PPP3R1: variants seen among roughly 807,000 people sequenced by gnomAD.
PPP3R1 encodes the protein protein phosphatase 3 regulatory subunit B, alpha, also known as calcineurin subunit B type 1.
In PPP3R1, 5 loss-of-function variants were observed where a neutral mutation model predicts 22.6. That is an observed-to-expected ratio of 0.22 (90% CI 0.12 to 0.46). The LOEUF (loss-of-function observed/expected upper bound fraction) is 0.46, where lower values mean the gene tolerates loss of function less well. Ranked by LOEUF, PPP3R1 falls within the 20% of genes least tolerant of loss-of-function variation. The probability of loss-of-function intolerance (pLI) is 0.99; values close to 1 mark genes in which losing one functional copy is unlikely to be tolerated. For synonymous variants in PPP3R1, 56 were observed against 65.2 expected (o/e 0.86, Z 0.68); for missense variants, 61 against 203.2 (o/e 0.30, Z 4.25).
intron 2 of PPP3R1, among the ~76,000 whole-genome samples, chr2:68,203,319 G>C (rs1400781345): frequency 6.6e-6 from 1 of 152,092 alleles, no homozygotes; most frequent in East Asian, 1.9e-4. Flanking sequence ...TGGCATTTTA[G>C]GGCCAGGCAC....
Position 68,188,575 on chromosome 2 carries a change from A to G in PPP3R1, c.159T>C (p.Pro53=). The change falls in exon 3 of 6, where the codon CCT becomes CCC. Residue 53 remains proline, a synonymous_variant. Coordinates refer to ENST00000234310, the MANE Select transcript of PPP3R1 (RefSeq NM_000945.4). ...FMSLPELQQN[P]LVQRVIDIFD... ...ATATATCTATTACTCGCTGTACTAA[A>G]GGATTCTGTTGTAACTCAGGCAGAG... 6.2e-7 allele frequency: 1 copy of G among 1,613,414 alleles called. No homozygotes were observed. The highest frequency in any genetic ancestry group is 8.5e-7 in the Non-Finnish European group (1 of 1,179,562).
intron 1 of PPP3R1, among the ~76,000 whole-genome samples, chr2:68,244,353 C>T (rs1449352130): frequency 6.6e-6 from 1 of 152,140 alleles, no homozygotes; most frequent in Non-Finnish European, 1.5e-5. Flanking sequence ...AACAATTCCC[C>T]AAACTGGATA....
At chr2:68,232,451 A>AG (rs202075066) in intron 1 of PPP3R1, among the ~76,000 whole-genome samples, 8 of 151,330 alleles carry the variant, frequency 5.3e-5, no homozygotes, top group African/African-American at 1.9e-4. Flanking sequence ...CAAAAAAAAA[A>AG]AATCTTATTT....
chr2:68,204,916 C>A (rs1378132346), intron 2 of PPP3R1, among the ~76,000 whole-genome samples: 1 of 152,240 alleles, frequency 6.6e-6, no homozygotes, highest in African/African-American at 2.4e-5. Flanking sequence ...AATTCTTTTA[C>A]TGGTGAAAAT....
intron 1 of PPP3R1, among the ~76,000 whole-genome samples, chr2:68,235,346 T>C (rs1347101033): frequency 6.6e-6 from 1 of 152,206 alleles, no homozygotes; most frequent in Non-Finnish European, 1.5e-5. Flanking sequence ...CAAAAGCCTG[T>C]ATCTACTGGC....
At chr2:68,222,505 T>C (rs142584420) in intron 1 of PPP3R1, among the ~76,000 whole-genome samples, 87 of 152,340 alleles carry the variant, frequency 5.7e-4, no homozygotes, top group African/African-American at 2.0e-3. Flanking sequence ...AGCACCTAAA[T>C]AGAACAAAAA....
intron 2 of PPP3R1, among the ~76,000 whole-genome samples, chr2:68,188,940 C>T (rs945004473): frequency 6.6e-6 from 1 of 152,046 alleles, no homozygotes; most frequent in Non-Finnish European, 1.5e-5. Flanking sequence ...TTGCACCTGC[C>T]ATTACATACA....
intron 2 of PPP3R1, among the ~76,000 whole-genome samples, chr2:68,207,652 A>C (rs893707025): frequency 1.3e-5 from 2 of 152,206 alleles, no homozygotes; most frequent in African/African-American, 2.4e-5. Flanking sequence ...GAGAAATAAA[A>C]AATTAATGTC....
intron 1 of PPP3R1, among the ~76,000 whole-genome samples, chr2:68,243,501 G>C (rs1670171069): frequency 6.6e-6 from 1 of 152,106 alleles, no homozygotes. Context: ...AGTTAAAAAA[G>C]ACGCTTTATC....
chr2:68,193,337 G>A (rs1360822588), intron 2 of PPP3R1, among the ~76,000 whole-genome samples: 1 of 152,010 alleles, frequency 6.6e-6, no homozygotes, highest in Non-Finnish European at 1.5e-5. Flanking sequence ...GCATGTATGG[G>A]GGCAGTTATC....
rs1421940413 is a variant in PPP3R1, at chr2:68,252,241, G to A, written c.-114C>T. On this transcript the variant is annotated 5_prime_UTR_variant, in exon 1 of 6. Transcript: ENST00000234310. ...CAGCTGCGGCCCTCGGGTCGCCGGC[G>A]GGGAGGGGGCGCGCGTGGGGGAGGG... 9.1e-6 allele frequency: 10 copies of A among 1,103,370 alleles called. No individual in the cohort carries two copies. The highest frequency in any genetic ancestry group is 1.0e-5 in the Non-Finnish European group (9 of 901,636). 68.3% of individuals were successfully genotyped at this position (1,103,370 alleles called of 1,614,324 possible).
chr2:68,191,051 C>T (rs1418695949), intron 2 of PPP3R1, among the ~76,000 whole-genome samples: 1 of 152,182 alleles, frequency 6.6e-6, no homozygotes, highest in African/African-American at 2.4e-5. Flanking sequence ...GATTTCATGG[C>T]ATCTGAGGTT....
At chr2:68,201,827 C>G (rs1674980933) in intron 2 of PPP3R1, among the ~76,000 whole-genome samples, 1 of 152,202 alleles carries the variant, frequency 6.6e-6, no homozygotes, top group East Asian at 1.9e-4. Flanking sequence ...CCAACTACTG[C>G]TGCTGTGAAG....
rs146541370 is a variant in PPP3R1 at position 68,188,061 on chromosome 2, T to C, written c.220+453A>G. Among the ~76,000 whole-genome samples the C allele has an allele frequency of 3.4e-3, 513 of 152,132 alleles. 3 individuals carry two copies. Among genetic ancestry groups the C allele is most frequent in the African/African-American group, 0.012 (485 of 41,484 alleles). ...GGCACATGCCTGTAATCCCAGCTAC[T>C]CAAGAGGCTGAGACAGGAGAATTGC... On this transcript the variant is annotated intron_variant, in intron 3 of 5. Coordinates refer to ENST00000234310, the MANE Select transcript of PPP3R1 (RefSeq NM_000945.4).
intron 1 of PPP3R1, among the ~76,000 whole-genome samples, chr2:68,236,503 G>A (rs764444332): frequency 5.3e-5 from 8 of 152,166 alleles, no homozygotes; most frequent in African/African-American, 1.7e-4. Context: ...TCGGGGAGAC[G>A]ATAACCTTCA....
intron 1 of PPP3R1, among the ~76,000 whole-genome samples, chr2:68,232,272 TATATAC>T (rs1669932535): frequency 3.5e-5 from 4 of 113,622 alleles, no homozygotes; most frequent in South Asian, 2.5e-4. Context: ...TGTGTATATA[TATATAC>T]ACACACACAA....
intron 5 of PPP3R1, among the ~76,000 whole-genome samples, chr2:68,185,126 GGAAA>G (rs987722482): frequency 6.6e-6 from 1 of 151,674 alleles, no homozygotes; most frequent in Admixed American, 6.6e-5. Flanking sequence ...GGCTGAGGCA[GGAAA>G]ATCACTCGAA....
Position 68,180,956 on chromosome 2 carries a change from A to T in PPP3R1, c.*7T>A. ...CAAAAGTGTTGGGTGGTACTCTCTG[A>T]TAAGAGTCACACATCTACCACCATC... On this transcript the variant is annotated 3_prime_UTR_variant, in exon 6 of 6. Transcript: ENST00000234310. 3 of 1,611,180 alleles carry T rather than the reference A, an allele frequency of 1.9e-6. No homozygotes were observed. Among genetic ancestry groups the T allele is most frequent in the East Asian group, 2.2e-5 (1 of 44,870 alleles).
At chr2:68,213,586 A>G (rs906491076) in intron 2 of PPP3R1, among the ~76,000 whole-genome samples, 1 of 152,246 alleles carries the variant, frequency 6.6e-6, no homozygotes, top group Non-Finnish European at 1.5e-5. Context: ...AAATACTGCA[A>G]GAATTACCAA....
Sources: gnomAD v4.1 joint callset for allele counts (sites outside exome capture counted in the v4.1 genomes callset) on GRCh38, gnomAD v4.1.1 for gene constraint, MANE v1.5 for transcripts, NCBI Gene and HGNC (gene_info 2026-07-23, HGNC 2026-07-21) for gene names.